XYLB: variants seen among roughly 807,000 people sequenced by gnomAD.
XYLB encodes the protein xylulokinase.
A neutral mutation model predicts 78.7 loss-of-function variants in XYLB; 62 were observed. The ratio of observed to expected loss-of-function variants is 0.79; its 90% confidence interval spans 0.64 to 0.97. The LOEUF (loss-of-function observed/expected upper bound fraction) is 0.97, where lower values mean the gene tolerates loss of function less well. Among genes scored for constraint, XYLB ranks in the 50% least tolerant of loss-of-function variants. The pLI is 0.00. For synonymous variants in XYLB, 245 were observed against 247.4 expected (o/e 0.99, Z 0.09); for missense variants, 687 against 676.8 (o/e 1.02, Z -0.17).
At chr3:38,409,120 T>C (rs1708463551) in intron 18 of XYLB, among the ~76,000 whole-genome samples, 1 of 152,174 alleles carries the variant, frequency 6.6e-6, no homozygotes, top group African/African-American at 2.4e-5. Context: ...TGATGAGCAT[T>C]GATGCAAAAA....
At chr3:38,375,392 C>A in intron 12 of XYLB, 133 bp downstream of exon 12, 1 of 761,994 alleles carries the variant, frequency 1.3e-6, no homozygotes, top group Non-Finnish European at 2.2e-6. Context: ...CTCTGCTGGG[C>A]AACTGAGACC....
chr3:38,409,260 A>G (rs1236184206), intron 18 of XYLB, among the ~76,000 whole-genome samples: 1 of 152,236 alleles, frequency 6.6e-6, no homozygotes. Flanking sequence ...GTAATCCAAC[A>G]TATAAACAGA....
At chr3:38,385,113 A>G (rs1052173795) in intron 15 of XYLB, among the ~76,000 whole-genome samples, 1 of 152,044 alleles carries the variant, frequency 6.6e-6, no homozygotes, top group African/African-American at 2.4e-5. Context: ...CGATTCTTGC[A>G]CCTCAGCCAC....
chr3:38,369,425 G>GC (rs1422270186), intron 8 of XYLB, among the ~76,000 whole-genome samples: 3 of 152,058 alleles, frequency 2.0e-5, no homozygotes, highest in Non-Finnish European at 4.4e-5. Context: ...CCTCCACTCT[G>GC]CCCCCCTTCA....
rs1468775494 is a variant in XYLB at position 38,400,995 on chromosome 3, C to T, written c.1533+10C>T. On this transcript the variant is annotated intron_variant, in intron 18 of 18. Transcript: ENST00000207870. ...CCCGGGAGCTTCTCAGGTGAGAGAC[C>T]ATCGGAATTTGTTTGTAGCATTTGC... is the stretch of plus-strand genomic sequence containing the variant. 1 of 1,613,372 alleles carries T rather than the reference C, an allele frequency of 6.2e-7. No individual in the cohort carries two copies. Among genetic ancestry groups the T allele is most frequent in the South Asian group, 1.1e-5 (1 of 91,056 alleles).
At chr3:38,392,533 G>A (rs1025590299) in intron 15 of XYLB, among the ~76,000 whole-genome samples, 8 of 152,154 alleles carry the variant, frequency 5.3e-5, no homozygotes, top group Non-Finnish European at 1.0e-4. Flanking sequence ...CTGACCTCAG[G>A]TGATACACCC....
intron 15 of XYLB, 91 bp downstream of exon 15, chr3:38,379,433 A>G: frequency 3.1e-6 from 4 of 1,295,758 alleles, no homozygotes; most frequent in Non-Finnish European, 3.3e-6. Flanking sequence ...AATATCTACT[A>G]AAGTTTTCTT....
the XYLB span, among the ~76,000 whole-genome samples, chr3:38,430,687 G>C: frequency 6.6e-6 from 1 of 152,124 alleles, no homozygotes; most frequent in Non-Finnish European, 1.5e-5. Flanking sequence ...TATGGTTTTA[G>C]GTCTAACGTT....
In XYLB at chr3:38,362,967, G is replaced by A. The variant is rs140507305; in HGVS notation, c.241G>A (p.Ala81Thr). Reference protein sequence around the residue: ...ALDIILEKMKASGFDFSQVLA... With the variant: ...ALDIILEKMKTSGFDFSQVLA... Reference sequence around the variant, plus strand: ...GGATATCATCTTGGAGAAGATGAAGGCTTCGGGCTTCGACTTCTCTCAAGT... The same window carrying A: ...GGATATCATCTTGGAGAAGATGAAGACTTCGGGCTTCGACTTCTCTCAAGT... Residue 81 changes from alanine (A) to threonine (T), a missense_variant, in exon 4 of 19, where the codon GCT becomes ACT. Coordinates refer to ENST00000207870, the MANE Select transcript of XYLB (RefSeq NM_005108.4). 46 of 1,585,582 alleles carry A rather than the reference G, an allele frequency of 2.9e-5. 1 individual carries two copies. In the African/African-American group the frequency reaches 4.3e-4, roughly 15 times the overall value.
chr3:38,365,353 G>T, intron 5 of XYLB, 68 bp downstream of exon 5: 1 of 1,534,584 alleles, frequency 6.5e-7, no homozygotes, highest in Non-Finnish European at 9.0e-7. Context: ...GGGTCCTGAA[G>T]CCTGCTCATC....
chr3:38,379,383 TCAGGGC>T, intron 15 of XYLB, 41 bp downstream of exon 15: 1 of 1,602,210 alleles, frequency 6.2e-7, no homozygotes. Flanking sequence ...GGGTGGGGGC[TCAGGGC>T]CAGCTCACTC....
chr3:38,375,031 G>A (rs1203762521), intron 11 of XYLB, 113 bp from the exon 12 acceptor site: 4 of 828,976 alleles, frequency 4.8e-6, no homozygotes, highest in South Asian at 1.7e-5. Context: ...TCTGAGGTCT[G>A]CAGCATGAGT....
the XYLB span, among the ~76,000 whole-genome samples, chr3:38,450,224 C>T: frequency 6.6e-6 from 1 of 152,130 alleles, no homozygotes; most frequent in African/African-American, 2.4e-5. Context: ...GGTGAGGCCA[C>T]TTATATTTTC....
chr3:38,397,181 G>T (rs769781794), intron 17 of XYLB, 22 bp downstream of exon 17: 2 of 1,611,838 alleles, frequency 1.2e-6, no homozygotes, highest in Non-Finnish European at 1.7e-6. Flanking sequence ...GAGGGAGACA[G>T]CTATCTCTGG....
chr3:38,424,176 TG>T (rs1709056453), downstream of XYLB, among the ~76,000 whole-genome samples: 1 of 152,188 alleles, frequency 6.6e-6, no homozygotes, highest in Non-Finnish European at 1.5e-5. Context: ...CAGAAAAGAT[TG>T]ATTTTTCCAA....
downstream of XYLB, among the ~76,000 whole-genome samples, chr3:38,423,109 G>A (rs1709030593): frequency 6.6e-6 from 1 of 152,098 alleles, no homozygotes; most frequent in Admixed American, 6.5e-5. Flanking sequence ...GTCTCGCTCT[G>A]CTGCCCAGGC....
downstream of XYLB, among the ~76,000 whole-genome samples, chr3:38,418,697 TAAC>T (rs1398227356): frequency 1.3e-5 from 2 of 152,246 alleles, no homozygotes; most frequent in East Asian, 1.9e-4. Context: ...TTATTCCACT[TAAC>T]AAAGTTTTAT....
chr3:38,421,325 C>T (rs1418568670), downstream of XYLB: 1 of 152,276 alleles, frequency 6.6e-6, no homozygotes, highest in Non-Finnish European at 1.5e-5. Context: ...AAATGTGGAA[C>T]TACACTGGAG....
chr3:38,417,590 A>G (rs1470816496), downstream of XYLB, among the ~76,000 whole-genome samples: 1 of 152,140 alleles, frequency 6.6e-6, no homozygotes, highest in East Asian at 1.9e-4. Context: ...TGCTCAAAAG[A>G]CAGTTTCTAG....
Sources: allele counts gnomAD v4.1 joint callset (sites outside exome capture counted in the v4.1 genomes callset), GRCh38; gene constraint gnomAD v4.1.1; transcripts MANE v1.5; gene names NCBI Gene and HGNC (gene_info 2026-07-23, HGNC 2026-07-21).